The following BCAS3 variants were observed in gnomAD, a reference collection of about 807,000 sequenced individuals.
BCAS3 encodes BCAS3 microtubule associated cell migration factor.
A neutral mutation model predicts 116.1 loss-of-function variants in BCAS3; 53 were observed. The ratio of observed to expected loss-of-function variants is 0.46; its 90% CI spans 0.37 to 0.57. The LOEUF (loss-of-function observed/expected upper bound fraction) is 0.57. BCAS3 is among the 20% of genes least tolerant of loss of function. The pLI, the probability that BCAS3 is intolerant of heterozygous loss-of-function variation, is 0.00. For missense variants in BCAS3, 917 were observed against 1,165.4 expected (o/e 0.79, Z 3.10); for synonymous variants, 391 against 408.2 (o/e 0.96, Z 0.51).
chr17:61,237,293 A>T (rs1330159449), intron 22 of BCAS3, among the ~76,000 whole-genome samples: 1 of 152,228 alleles, frequency 6.6e-6, no homozygotes. Flanking sequence ...CACACCAATC[A>T]GTGCTCTGTA....
intron 6 of BCAS3, among the ~76,000 whole-genome samples, chr17:60,756,305 C>T (rs1042505249): frequency 6.6e-6 from 1 of 152,190 alleles, no homozygotes; most frequent in Non-Finnish European, 1.5e-5. Context: ...AATGCTTGCT[C>T]TCCTAATGCT....
At chr17:60,981,386 A>G (rs971370272) in intron 14 of BCAS3, among the ~76,000 whole-genome samples, 2 of 151,500 alleles carry the variant, frequency 1.3e-5, no homozygotes, top group Non-Finnish European at 2.9e-5. Flanking sequence ...AGGTTCAAGC[A>G]ATTCTCCTGC....
At chr17:61,312,866 C>A (rs2054429909) in intron 22 of BCAS3, among the ~76,000 whole-genome samples, 2 of 152,194 alleles carry the variant, frequency 1.3e-5, no homozygotes, top group Non-Finnish European at 2.9e-5. Context: ...AGTGCCTGCC[C>A]TTTCTCCCAC....
intron 22 of BCAS3, among the ~76,000 whole-genome samples, chr17:61,149,671 C>T (rs1029214906): frequency 5.9e-5 from 9 of 152,120 alleles, no homozygotes; most frequent in African/African-American, 2.2e-4. Context: ...GAGAAGCACA[C>T]ATGTGTTGGG....
chr17:60,779,370 C>CT (rs374528469), intron 6 of BCAS3, among the ~76,000 whole-genome samples: 2,568 of 140,824 alleles, frequency 0.018, 70 homozygotes, highest in African/African-American at 0.058. Context: ...TATTTTCTTT[C>CT]TTTTTTTTTT....
rs1265885714 is a variant in BCAS3, at chr17:61,196,887, C to T, written c.2425+112323C>T. On this transcript the variant is annotated intron_variant, in intron 22 of 23. Transcript: ENST00000407086. The surrounding 1 kb of genome is among the most constrained non-coding windows in gnomAD (Gnocchi z 4.7). ...TTTGTAGAGAGATTGAAGAACCGGT[C>T]TCAGATTTATGTCCTGTTTACATCT... 6.6e-6 allele frequency among the ~76,000 whole-genome samples: 1 copy of T among 152,160 alleles called. No homozygotes were observed. Among genetic ancestry groups the T allele is most frequent in the Non-Finnish European group, 1.5e-5 (1 of 68,028 alleles).
chr17:60,797,779 T>C (rs1224246745), intron 6 of BCAS3, among the ~76,000 whole-genome samples: 2 of 152,114 alleles, frequency 1.3e-5, no homozygotes, highest in African/African-American at 4.8e-5. Flanking sequence ...TGAGAACACG[T>C]GGTGTTTTAA....
At chr17:61,284,714 CA>C (rs2051574849) in intron 22 of BCAS3, among the ~76,000 whole-genome samples, 1 of 149,226 alleles carries the variant, frequency 6.7e-6, no homozygotes, top group Non-Finnish European at 1.5e-5. Flanking sequence ...ACTAGCTTTT[CA>C]GCCTATGTGG....
At chr17:60,724,072 T>A (rs1349896125) in intron 5 of BCAS3, among the ~76,000 whole-genome samples, 1 of 151,962 alleles carries the variant, frequency 6.6e-6, no homozygotes, top group East Asian at 1.9e-4. Flanking sequence ...CTGGTTCCGA[T>A]TTTTTATCTT....
At chr17:61,190,885 G>A (rs1264634531) in intron 22 of BCAS3, among the ~76,000 whole-genome samples, 1 of 152,102 alleles carries the variant, frequency 6.6e-6, no homozygotes, top group Admixed American at 6.6e-5. Flanking sequence ...TTACCGGTGT[G>A]AGCCACCGTG....
At chr17:61,321,432 G>A (rs1180749933) in intron 22 of BCAS3, among the ~76,000 whole-genome samples, 17 of 152,194 alleles carry the variant, frequency 1.1e-4, no homozygotes, top group Admixed American at 1.1e-3. Context: ...GAGCTTGATT[G>A]TAGTCCTGGG....
At chr17:61,210,116 C>G (rs2081369938) in intron 22 of BCAS3, among the ~76,000 whole-genome samples, 1 of 152,132 alleles carries the variant, frequency 6.6e-6, no homozygotes, top group South Asian at 2.1e-4. Context: ...GGAGTTGATT[C>G]CATCAGTTGT....
intron 5 of BCAS3, among the ~76,000 whole-genome samples, chr17:60,737,249 T>C (rs1358625107): frequency 6.6e-6 from 1 of 152,080 alleles, no homozygotes; most frequent in Non-Finnish European, 1.5e-5. Context: ...CTCCCCTCTT[T>C]CATTTCTAAT....
At chr17:61,058,103 C>G (rs955891448) in intron 19 of BCAS3, among the ~76,000 whole-genome samples, 2 of 152,028 alleles carry the variant, frequency 1.3e-5, no homozygotes, top group African/African-American at 4.8e-5. Context: ...TACTGAGTTT[C>G]TCTTTCTTTG....
At chr17:60,688,397 T>G (rs926012811) in intron 3 of BCAS3, among the ~76,000 whole-genome samples, 2 of 152,060 alleles carry the variant, frequency 1.3e-5, no homozygotes, top group Non-Finnish European at 2.9e-5. Flanking sequence ...TTTCCCAGAT[T>G]CAGGTGATCC....
chr17:61,152,422 T>C lies in BCAS3; in HGVS notation c.2425+67858T>C, dbSNP rs1337155961. Among the ~76,000 whole-genome samples, 5 of 152,142 alleles carry C rather than the reference T, an allele frequency of 3.3e-5. No homozygotes were observed. The East Asian group carries it at 9.6e-4, about 29-fold the overall frequency. ...TTGCTAGCTACAGAGCGCTGATTGG[T>C]GCATTTTATAATCCTCTTGTAAGAC... On this transcript the variant is annotated intron_variant, in intron 22 of 23. Transcript: ENST00000407086.
intron 22 of BCAS3, among the ~76,000 whole-genome samples, chr17:61,283,988 G>C (rs1020475017): frequency 5.3e-5 from 8 of 152,132 alleles, no homozygotes; most frequent in Admixed American, 2.6e-4. Context: ...TTGTATCTTT[G>C]GTATTACGAT....
chr17:60,911,646 G>A (rs1467247259), intron 12 of BCAS3, among the ~76,000 whole-genome samples: 1 of 152,028 alleles, frequency 6.6e-6, no homozygotes. Flanking sequence ...TGTTGGCCTG[G>A]CTGGTCTTGA....
chr17:60,987,855 T>C (rs8073402), intron 14 of BCAS3, among the ~76,000 whole-genome samples: 10,659 of 152,204 alleles, frequency 0.07, 1,123 homozygotes, highest in African/African-American at 0.23. Flanking sequence ...GGACTTCCGG[T>C]ACTTTGTTGA....
Sources: gnomAD v4.1 joint callset for allele counts (sites outside exome capture counted in the v4.1 genomes callset) on GRCh38, gnomAD v4.1.1 for gene constraint, Gnocchi (gnomAD v3.1) non-coding constraint, MANE v1.5 for transcripts, NCBI Gene and HGNC (gene_info 2026-07-23, HGNC 2026-07-21) for gene names.